Variants in WFDC1 observed in about 807,000 individuals in gnomAD.
The protein encoded by WFDC1 is WAP four-disulfide core domain protein 1.
Under a neutral mutation model 32.9 loss-of-function variants are expected in WFDC1, and 39 were observed. The observed-to-expected ratio is 1.19, with a 90% CI of 0.92 to 1.55. The LOEUF is 1.55. Among genes scored for constraint, WFDC1 ranks in the 40% most tolerant of loss-of-function variants. The pLI, the probability that WFDC1 is intolerant of heterozygous loss-of-function variation, is 0.00. For synonymous variants in WFDC1, 184 were observed against 137.4 expected (o/e 1.34, Z -2.37); for missense variants, 386 against 309.5 (o/e 1.25, Z -1.85).
intron 1 of WFDC1, among the ~76,000 whole-genome samples, chr16:84,307,016 C>T (rs540245554): frequency 1.2e-4 from 18 of 152,038 alleles, no homozygotes; most frequent in Non-Finnish European, 2.6e-4. Flanking sequence ...TGAGCAGATC[C>T]CAGGTAGGTG....
At chr16:84,311,695 CT>C (rs67144104) in intron 1 of WFDC1, among the ~76,000 whole-genome samples, 2 of 73,456 alleles carry the variant, frequency 2.7e-5, no homozygotes, top group Non-Finnish European at 4.6e-5. Flanking sequence ...TGCCTGACTG[CT>C]TTTTTTTTTT....
At position 84,322,802 on chromosome 16, in the gene WFDC1, G is replaced by A. The variant is rs548371260; in HGVS notation, c.563-1617G>A. Among the ~76,000 whole-genome samples the A allele has an allele frequency of 1.6e-3, 248 of 152,270 alleles. 2 individuals carry two copies. Among genetic ancestry groups the A allele is most frequent in the Non-Finnish European group, 2.7e-3 (186 of 68,028 alleles). On this transcript the variant is annotated intron_variant, in intron 4 of 6. Coordinates refer to ENST00000219454, the MANE Select transcript of WFDC1 (RefSeq NM_021197.4). ...TCAGAGAGTGGGTTCAGGGAAAATC[G>A]GTGCATTTTTCTGAGTAGGTTTGAG... is the stretch of plus-strand genomic sequence containing the variant.
chr16:84,298,691 C>A (rs1384682060), intron 1 of WFDC1, among the ~76,000 whole-genome samples: 1 of 152,182 alleles, frequency 6.6e-6, no homozygotes, highest in South Asian at 2.1e-4. Context: ...AAAGCCTCGT[C>A]CCCCGGCAGA....
At chr16:84,308,552 G>C (rs1225620232) in intron 1 of WFDC1, among the ~76,000 whole-genome samples, 2 of 152,260 alleles carry the variant, frequency 1.3e-5, no homozygotes, top group Non-Finnish European at 2.9e-5. Flanking sequence ...AATTGAAGCT[G>C]ATGGGAGGCC....
chr16:84,308,197 C>A (rs1221248776), intron 1 of WFDC1, among the ~76,000 whole-genome samples: 1 of 152,158 alleles, frequency 6.6e-6, no homozygotes, highest in South Asian at 2.1e-4. Context: ...CTCTGCCCCT[C>A]ATGCCCTCAG....
At chr16:84,301,188 C>G (rs1156897933) in intron 1 of WFDC1, among the ~76,000 whole-genome samples, 1 of 152,144 alleles carries the variant, frequency 6.6e-6, no homozygotes, top group Non-Finnish European at 1.5e-5. Context: ...CCAACCCTGC[C>G]AGACACCTGG....
At chr16:84,297,142 G>A (rs953793188) in intron 1 of WFDC1, among the ~76,000 whole-genome samples, 2 of 152,278 alleles carry the variant, frequency 1.3e-5, no homozygotes, top group East Asian at 1.9e-4. Context: ...ATGCGCGGGG[G>A]ATTTGGGGGA....
intron 5 of WFDC1, chr16:84,326,423 A>C (rs985749025): frequency 6.0e-6 from 1 of 167,536 alleles, no homozygotes; most frequent in Non-Finnish European, 1.3e-5. Context: ...TCAGACATGA[A>C]TATAGCCCAA....
chr16:84,328,965 AAG>A (rs1491458810), intron 6 of WFDC1: 2 of 151,148 alleles, frequency 1.3e-5, no homozygotes, highest in African/African-American at 4.9e-5. Context: ...GAAAAAAAAA[AAG>A]TACAGCCTTT....
intron 1 of WFDC1, among the ~76,000 whole-genome samples, chr16:84,307,185 G>C (rs565427561): frequency 5.9e-5 from 9 of 152,130 alleles, no homozygotes; most frequent in Non-Finnish European, 1.3e-4. Flanking sequence ...CCGACCTCTA[G>C]GCCAAGAACC....
rs757702328 is a variant in WFDC1 at position 84,294,974 on chromosome 16, GC to G, written c.5del (p.Pro2LeufsTer2). ...GAAGGTCGCTGCCCAGGGAGGAAAT[GC>G]CTTTAACCGGCGTGGGGCCGGGCAG... MPLTGVGPGSCR... is the reference protein window; with the variant it reads MXLTGVGPGSCR... On this transcript the variant is annotated frameshift_variant, in exon 1 of 7. Transcript: ENST00000219454. LOFTEE classifies it high-confidence loss of function. 1 of 1,612,230 alleles carries G rather than the reference GC, an allele frequency of 6.2e-7. No individual in the cohort carries two copies. Among genetic ancestry groups the G allele is most frequent in the Non-Finnish European group, 8.5e-7 (1 of 1,179,060 alleles).
intron 1 of WFDC1, among the ~76,000 whole-genome samples, chr16:84,308,562 C>G (rs1157198625): frequency 6.6e-6 from 1 of 152,230 alleles, no homozygotes; most frequent in African/African-American, 2.4e-5. Context: ...GATGGGAGGC[C>G]TTCCAGGCAG....
intron 1 of WFDC1, among the ~76,000 whole-genome samples, chr16:84,308,426 A>G (rs1194464824): frequency 1.3e-5 from 2 of 152,176 alleles, no homozygotes. Flanking sequence ...CTCTGCTCTC[A>G]GTGTGGGGTG....
intron 1 of WFDC1, among the ~76,000 whole-genome samples, chr16:84,312,568 G>A (rs1376974756): frequency 1.3e-5 from 2 of 151,906 alleles, no homozygotes; most frequent in Non-Finnish European, 2.9e-5. Flanking sequence ...ATATACATAT[G>A]TACATATAGA....
At chr16:84,320,133 T>C (rs992851879) in intron 4 of WFDC1, among the ~76,000 whole-genome samples, 8 of 152,200 alleles carry the variant, frequency 5.3e-5, no homozygotes, top group Admixed American at 4.6e-4. Context: ...ACTTTCAGTA[T>C]GGTAATCAAA....
chr16:84,320,719 C>A (rs779351669), intron 4 of WFDC1, among the ~76,000 whole-genome samples: 25 of 152,222 alleles, frequency 1.6e-4, no homozygotes, highest in Non-Finnish European at 3.1e-4. Flanking sequence ...GTCAGTCAGA[C>A]TGAGACCACA....
chr16:84,308,368 C>T (rs970312489), intron 1 of WFDC1, among the ~76,000 whole-genome samples: 28 of 152,182 alleles, frequency 1.8e-4, no homozygotes, highest in African/African-American at 3.4e-4. Context: ...CAGATAGGCA[C>T]GCAGGAAGGA....
rs1488441649 is a variant in WFDC1, at chr16:84,312,967, G to A, written c.151G>A (p.Glu51Lys). 8 of 1,160,732 alleles carry A rather than the reference G, an allele frequency of 6.9e-6. No homozygotes were observed. Among genetic ancestry groups the A allele is most frequent in the African/African-American group, 1.6e-5 (1 of 61,508 alleles). 71.9% of individuals were successfully genotyped at this position (1,160,732 alleles called of 1,614,324 possible). Reference protein sequence around the residue: ...ARLAEKSRAEEAGAPGGPRQP... With the variant: ...ARLAEKSRAEKAGAPGGPRQP... The stretch of plus-strand genomic sequence containing the variant: ...CACCGCCCTCTCCCCGCAGGCCGAG[G>A]AGGCGGGCGCGCCCGGCGGCCCCCG... Residue 51 changes from glutamate to lysine, a missense_variant, in exon 2 of 7, where the codon GAG (glutamate) becomes AAG (lysine). Glu to Lys is a moderately conservative substitution (Grantham distance 56). Coordinates refer to ENST00000219454, the MANE Select transcript of WFDC1 (RefSeq NM_021197.4).
chr16:84,295,378 C>A (rs1416914081), intron 1 of WFDC1: 5 of 498,056 alleles, frequency 1.0e-5, no homozygotes, highest in Non-Finnish European at 1.8e-5. Flanking sequence ...TGCCTTGTTA[C>A]AAAAGTATGC....
Sources: allele counts gnomAD v4.1 joint callset (sites outside exome capture counted in the v4.1 genomes callset), GRCh38; gene constraint gnomAD v4.1.1; transcripts MANE v1.5; gene names NCBI Gene and HGNC (gene_info 2026-07-23, HGNC 2026-07-21).